SLCO1A2: variants seen among roughly 807,000 people sequenced by gnomAD.
SLCO1A2 encodes the protein OATP-1.
A neutral mutation model predicts 69.0 loss-of-function variants in SLCO1A2; 67 were observed. The ratio of observed to expected loss-of-function variants is 0.97; its 90% CI spans 0.80 to 1.19. The LOEUF is 1.19. SLCO1A2 is among the 50% of genes most tolerant of loss of function. SLCO1A2 has a pLI of 0.00. For synonymous variants in SLCO1A2, 260 were observed against 265.9 expected, an observed-to-expected ratio of 0.98 and a Z score of 0.22; for missense variants, 787 against 793.7, an observed-to-expected ratio of 0.99 and a Z score of 0.10.
chr12:21,289,698 C>T (rs1399146896), intron 12 of SLCO1A2, among the ~76,000 whole-genome samples: 1 of 151,580 alleles, frequency 6.6e-6, no homozygotes, highest in Non-Finnish European at 1.5e-5. Context: ...GTGAACCATT[C>T]TAGAAAATGG....
intron 2 of SLCO1A2, 131 bp from the exon 3 acceptor site, chr12:21,319,054 CTG>C (rs1394581845): frequency 5.4e-6 from 4 of 735,792 alleles, no homozygotes; most frequent in Non-Finnish European, 8.6e-6. Context: ...TTGCAAGAAA[CTG>C]TAAAGTGTAG....
chr12:21,295,902 TA>T (rs1947643073), intron 9 of SLCO1A2, 110 bp from the exon 10 acceptor site: 2 of 616,706 alleles, frequency 3.2e-6, no homozygotes, highest in African/African-American at 1.9e-5. Flanking sequence ...GTCCAACTCA[TA>T]GTGAAGAAGA....
rs548834345 is a variant in SLCO1A2 at position 21,389,476 on chromosome 12, T to C, written c.-190+5430A>G. Among the ~76,000 whole-genome samples the C allele has an allele frequency of 2.7e-4, 41 of 152,166 alleles. No individual in the cohort carries two copies. In the South Asian group the frequency reaches 8.1e-3, roughly 30 times the overall value. On this transcript the variant is annotated intron_variant, in intron 1 of 15. Coordinates refer to the SLCO1A2 transcript ENST00000307378. ...TCTTATCCAATGCAGATAAGACTTATTCACAAGCTAAGATCTTAAGTTAAC... is the reference window on the plus strand; with the variant it reads ...TCTTATCCAATGCAGATAAGACTTACTCACAAGCTAAGATCTTAAGTTAAC...
chr12:21,386,574 G>T (rs77118621), intron 1 of SLCO1A2, among the ~76,000 whole-genome samples: 1 of 152,000 alleles, frequency 6.6e-6, no homozygotes, highest in South Asian at 2.1e-4. Context: ...CATGTAAGAC[G>T]TGTGTTTGCT....
chr12:21,347,419 G>A (rs1953289543), intron 2 of SLCO1A2, among the ~76,000 whole-genome samples: 1 of 152,170 alleles, frequency 6.6e-6, no homozygotes, highest in Non-Finnish European at 1.5e-5. Context: ...GCCAAAGGGG[G>A]TGGATCACCT....
At chr12:21,409,281 C>T (rs564784794) in intron 1 of SLCO1A2, among the ~76,000 whole-genome samples, 1 of 152,152 alleles carries the variant, frequency 6.6e-6, no homozygotes, top group South Asian at 2.1e-4. Context: ...GGCAACATGT[C>T]GTATTCATAT....
intron 3 of SLCO1A2, 52 bp from the exon 4 acceptor site, chr12:21,314,733 T>A (rs1388409260): frequency 7.6e-7 from 1 of 1,314,902 alleles, no homozygotes; most frequent in Non-Finnish European, 1.1e-6. Flanking sequence ...AAAGTCTTAA[T>A]TAAGAGCCTC....
chr12:21,308,214 C>T (rs1008330330), intron 4 of SLCO1A2, among the ~76,000 whole-genome samples: 14 of 151,948 alleles, frequency 9.2e-5, no homozygotes, highest in Admixed American at 3.9e-4. Flanking sequence ...AGCAAAATGA[C>T]GGTAAATAGA....
intron 12 of SLCO1A2, among the ~76,000 whole-genome samples, chr12:21,281,093 C>T (rs1944708286): frequency 6.6e-6 from 1 of 151,938 alleles, no homozygotes. Flanking sequence ...ACAGTGAAAG[C>T]AGTACTAAGA....
upstream of SLCO1A2, among the ~76,000 whole-genome samples, chr12:21,335,142 C>T (rs976350965): frequency 2.6e-5 from 4 of 151,304 alleles, no homozygotes; most frequent in Non-Finnish European, 4.4e-5. Flanking sequence ...CTTTTTTTGG[C>T]CAGGCTCTCT....
At chr12:21,310,207 G>T (rs775972889) in intron 4 of SLCO1A2, among the ~76,000 whole-genome samples, 1 of 152,130 alleles carries the variant, frequency 6.6e-6, no homozygotes, top group African/African-American at 2.4e-5. Flanking sequence ...TTGCACGTTT[G>T]GTTCCAGATT....
chr12:21,301,610 C>T (rs778243070), intron 6 of SLCO1A2, among the ~76,000 whole-genome samples: 2 of 152,184 alleles, frequency 1.3e-5, no homozygotes, highest in Non-Finnish European at 2.9e-5. Flanking sequence ...ATTCATCCCA[C>T]AGGCATGTTT....
chr12:21,287,556 G>A (rs1185427521), intron 12 of SLCO1A2, among the ~76,000 whole-genome samples: 1 of 145,328 alleles, frequency 6.9e-6, no homozygotes, highest in Non-Finnish European at 1.5e-5. Flanking sequence ...AAAGACACAT[G>A]CACACGTATG....
chr12:21,297,585 A>T lies in SLCO1A2; in HGVS notation c.911-17T>A, dbSNP rs11568576. ...GTAGAAAATCTGAAATGAAAGAATGACAACTGTGTCAAACGAACTTGGCTT... is the reference window on the plus strand; with the variant it reads ...GTAGAAAATCTGAAATGAAAGAATGTCAACTGTGTCAAACGAACTTGGCTT... On this transcript the variant is annotated splice_polypyrimidine_tract_variant and intron_variant, in intron 8 of 14. Transcript: ENST00000683939. The T allele has an allele frequency of 4.3e-4, 655 of 1,533,518 alleles. No individual in the cohort carries two copies. The African/African-American group carries it at 7.8e-3, about 18-fold the overall frequency. 95.0% of individuals were successfully genotyped at this position (1,533,518 alleles called of 1,614,324 possible).
intron 2 of SLCO1A2, among the ~76,000 whole-genome samples, chr12:21,326,766 C>T (rs553372520): frequency 2.9e-4 from 44 of 152,216 alleles, no homozygotes; most frequent in African/African-American, 9.9e-4. Context: ...GACTTGGGTG[C>T]TCTTAAGAGC....
intron 4 of SLCO1A2, among the ~76,000 whole-genome samples, chr12:21,309,395 G>A (rs1255510177): frequency 6.6e-6 from 1 of 152,126 alleles, no homozygotes; most frequent in Non-Finnish European, 1.5e-5. Flanking sequence ...ATGAATTTTG[G>A]ACTTGGAGCT....
intron 12 of SLCO1A2, among the ~76,000 whole-genome samples, chr12:21,284,925 C>G (rs1244405841): frequency 4.7e-5 from 3 of 63,796 alleles, no homozygotes; most frequent in African/African-American, 2.2e-4. Context: ...AAATTGACAC[C>G]CTAACATCAC....
intron 2 of SLCO1A2, among the ~76,000 whole-genome samples, chr12:21,351,697 G>A (rs1197068220): frequency 1.3e-5 from 2 of 151,322 alleles, no homozygotes; most frequent in African/African-American, 2.4e-5. Context: ...AGAATCTCTT[G>A]AACCCAGGAG....
chr12:21,315,537 T>C (rs967657885), intron 3 of SLCO1A2, among the ~76,000 whole-genome samples: 1 of 152,236 alleles, frequency 6.6e-6, no homozygotes, highest in Non-Finnish European at 1.5e-5. Context: ...TGACTCAAGA[T>C]TATAAAAATT....
Sources: allele counts gnomAD v4.1 joint callset (sites outside exome capture counted in the v4.1 genomes callset), GRCh38; gene constraint gnomAD v4.1.1; transcripts MANE v1.5; gene names NCBI Gene and HGNC (gene_info 2026-07-23, HGNC 2026-07-21).